Variants in TCERG1L observed in about 807,000 individuals in gnomAD.
TCERG1L encodes the protein transcription elongation regulator 1 like.
In TCERG1L, 37 loss-of-function variants were observed where a neutral mutation model predicts 56.3. The observed-to-expected ratio is 0.66, with a 90% CI of 0.51 to 0.87. TCERG1L has a LOEUF of 0.87. Among genes scored for constraint, TCERG1L ranks in the 40% least tolerant of loss-of-function variants. The pLI is 0.00. For synonymous variants in TCERG1L, 324 were observed against 326.3 expected (o/e 0.99, Z 0.08); for missense variants, 799 against 774.2 (o/e 1.03, Z -0.38).
intron 4 of TCERG1L, among the ~76,000 whole-genome samples, chr10:131,197,499 T>C (rs1473166744): frequency 6.6e-6 from 1 of 151,902 alleles, no homozygotes; most frequent in Admixed American, 6.6e-5. Flanking sequence ...TCCTCCATTT[T>C]TTTTTCTGAC....
intron 3 of TCERG1L, among the ~76,000 whole-genome samples, chr10:131,303,144 G>C (rs752967673): frequency 2.6e-5 from 4 of 152,076 alleles, no homozygotes; most frequent in African/African-American, 4.8e-5. Context: ...TATATACCCA[G>C]TAATGAGATT....
chr10:131,205,527 G>A (rs1050229326), intron 4 of TCERG1L, among the ~76,000 whole-genome samples: 1 of 152,196 alleles, frequency 6.6e-6, no homozygotes, highest in African/African-American at 2.4e-5. Context: ...CTCACATTAG[G>A]GAATTTTGTA....
At chr10:131,187,118 C>T (rs563262530) in intron 4 of TCERG1L, among the ~76,000 whole-genome samples, 88 of 152,248 alleles carry the variant, frequency 5.8e-4, no homozygotes, top group Middle Eastern at 6.8e-3. Context: ...GCATGAGCTC[C>T]GAGGGAAATA....
intron 3 of TCERG1L, among the ~76,000 whole-genome samples, chr10:131,265,620 A>G (rs1231766735): frequency 2.6e-5 from 4 of 152,196 alleles, no homozygotes; most frequent in Non-Finnish European, 4.4e-5. Flanking sequence ...AAGAGAGTCA[A>G]GTGAATTTTT....
intron 7 of TCERG1L, among the ~76,000 whole-genome samples, chr10:131,136,435 A>C (rs1187784857): frequency 1.3e-5 from 2 of 152,102 alleles, no homozygotes; most frequent in East Asian, 3.9e-4. Context: ...GGAAACCATG[A>C]GACTGGGGCC....
intron 8 of TCERG1L, among the ~76,000 whole-genome samples, chr10:131,129,199 C>T (rs541193948): frequency 7.1e-6 from 1 of 140,066 alleles, no homozygotes; most frequent in Non-Finnish European, 1.6e-5. Context: ...GAAAGCAAAC[C>T]TCTAAGAGGA....
At chr10:131,093,655 G>A (rs902409270) in intron 11 of TCERG1L, among the ~76,000 whole-genome samples, 11 of 152,084 alleles carry the variant, frequency 7.2e-5, no homozygotes, top group Non-Finnish European at 1.2e-4. Context: ...GGTCTCCTCC[G>A]CCCCTCCCTT....
chr10:131,210,193 A>G (rs1477861076), intron 4 of TCERG1L, among the ~76,000 whole-genome samples: 1 of 152,238 alleles, frequency 6.6e-6, no homozygotes, highest in Admixed American at 6.5e-5. Flanking sequence ...AAGAAAAATA[A>G]TGGGAGCTGT....
intron 4 of TCERG1L, among the ~76,000 whole-genome samples, chr10:131,186,764 C>A (rs1428898125): frequency 6.6e-6 from 1 of 152,166 alleles, no homozygotes; most frequent in African/African-American, 2.4e-5. Context: ...GTGCACCGGG[C>A]ACTCCACACC....
In TCERG1L at chr10:131,260,407, G is replaced by T; in HGVS notation, c.708C>A (p.Pro236=). Residue 236 remains proline (P), a synonymous_variant, in exon 4 of 12, where the codon CCC becomes CCA. Transcript: ENST00000368642. This position sits in a 1 kb window ranked among gnomAD's most constrained non-coding sequence, Gnocchi z 5.8. ...CGGCGGCGGTGGCGATGGCAATGGC[G>T]GGGCTGCTGGTCACCTTAAGGCTGT... is the stretch of plus-strand genomic sequence containing the variant. The part of the protein sequence containing the change: ...CHNSLKVTSS[P]AIAIATAAAA... 1 of 1,467,194 alleles carries T rather than the reference G, an allele frequency of 6.8e-7. No homozygotes were observed. The highest frequency in any genetic ancestry group is 2.9e-5 in the East Asian group (1 of 34,944). The allele number at this position is 1,467,194 out of a possible 1,614,324, so 90.9% of individuals were successfully genotyped here. A position where few individuals can be genotyped will look rare whatever the true frequency, so the allele number is the denominator to read the frequency against.
intron 2 of TCERG1L, 69 bp downstream of exon 2, chr10:131,309,084 T>C: frequency 6.5e-7 from 1 of 1,544,268 alleles, no homozygotes; most frequent in Non-Finnish European, 8.7e-7. Context: ...GTATTTTTGT[T>C]GTTATGTCGA....
intron 8 of TCERG1L, among the ~76,000 whole-genome samples, chr10:131,121,626 G>C (rs1439370003): frequency 6.6e-6 from 1 of 152,234 alleles, no homozygotes; most frequent in Non-Finnish European, 1.5e-5. Flanking sequence ...AGCTCTCCCA[G>C]CTGCAGCCCT....
At chr10:131,109,379 CT>C (rs1417277371) in intron 9 of TCERG1L, among the ~76,000 whole-genome samples, 2 of 152,178 alleles carry the variant, frequency 1.3e-5, no homozygotes, top group African/African-American at 4.8e-5. Flanking sequence ...GTCTGTCCCC[CT>C]GTGGATGACG....
intron 4 of TCERG1L, among the ~76,000 whole-genome samples, chr10:131,192,816 G>A (rs957702980): frequency 4.2e-5 from 6 of 143,702 alleles, no homozygotes; most frequent in Non-Finnish European, 9.2e-5. Context: ...ATGAGTATGC[G>A]AAAGCATACA....
chr10:131,093,539 C>T (rs1240326600), intron 11 of TCERG1L, among the ~76,000 whole-genome samples: 1 of 152,134 alleles, frequency 6.6e-6, no homozygotes, highest in Non-Finnish European at 1.5e-5. Flanking sequence ...ACCCCCTTGT[C>T]TCTCCTCTGA....
chr10:131,248,418 G>A (rs866809633), intron 4 of TCERG1L, among the ~76,000 whole-genome samples: 1 of 150,222 alleles, frequency 6.7e-6, no homozygotes, highest in Non-Finnish European at 1.5e-5. Flanking sequence ...CTTGAGAGAG[G>A]TTAAGTCACA....
chr10:131,109,426 G>A (rs781537841), intron 9 of TCERG1L, among the ~76,000 whole-genome samples: 2 of 152,070 alleles, frequency 1.3e-5, no homozygotes, highest in African/African-American at 2.4e-5. Context: ...GTCTGTGACC[G>A]TGACCATGTC....
intron 3 of TCERG1L, among the ~76,000 whole-genome samples, chr10:131,293,277 G>C (rs1037798714): frequency 3.9e-5 from 6 of 151,980 alleles, no homozygotes; most frequent in Admixed American, 2.0e-4. Context: ...ATTGCTGATG[G>C]TTTCATGTTT....
chr10:131,271,963 T>C (rs997700093), intron 3 of TCERG1L, among the ~76,000 whole-genome samples: 2 of 152,210 alleles, frequency 1.3e-5, no homozygotes, highest in African/African-American at 4.8e-5. Flanking sequence ...AAATAATGGG[T>C]AACCATTTCT....
Sources: allele counts gnomAD v4.1 joint callset (sites outside exome capture counted in the v4.1 genomes callset), GRCh38; gene constraint gnomAD v4.1.1; non-coding constraint Gnocchi (gnomAD v3.1); transcripts MANE v1.5; gene names NCBI Gene and HGNC (gene_info 2026-07-23, HGNC 2026-07-21).